The following PRKCB variants were observed in gnomAD, a reference collection of about 807,000 sequenced individuals.
The protein encoded by PRKCB is protein kinase C beta type.
In PRKCB, 13 loss-of-function variants were observed where a neutral mutation model predicts 81.5. The observed-to-expected ratio is 0.16, with a 90% CI of 0.10 to 0.25. The LOEUF is 0.25. Ranked by LOEUF, PRKCB falls within the 10% of genes least tolerant of loss-of-function variation. The probability of loss-of-function intolerance (pLI) is 1.00; values close to 1 mark genes in which losing one functional copy is unlikely to be tolerated. For synonymous variants in PRKCB, 335 were observed against 321.4 expected, an observed-to-expected ratio of 1.04 and a Z score of -0.45; for missense variants, 509 against 875.7, an observed-to-expected ratio of 0.58 and a Z score of 5.29.
intron 2 of PRKCB, among the ~76,000 whole-genome samples, chr16:23,944,936 G>T (rs932995768): frequency 1.3e-5 from 2 of 152,210 alleles, no homozygotes; most frequent in Non-Finnish European, 2.9e-5. Context: ...GGGAGAGAAT[G>T]AGGGACAGAG....
intron 7 of PRKCB, among the ~76,000 whole-genome samples, chr16:24,097,450 T>G (rs938572973): frequency 6.6e-6 from 1 of 151,696 alleles, no homozygotes; most frequent in South Asian, 2.1e-4. Flanking sequence ...TGGCAGAGGG[T>G]GGGTTGGGGA....
At chr16:24,132,984 T>A (rs942178795) in intron 9 of PRKCB, among the ~76,000 whole-genome samples, 1 of 152,098 alleles carries the variant, frequency 6.6e-6, no homozygotes, top group Admixed American at 6.6e-5. Flanking sequence ...TAACATGTAA[T>A]TTCCTAGTTT....
rs554783792 is a variant in PRKCB at position 24,028,115 on chromosome 16, G to A, written c.289-4021G>A. 2.6e-5 allele frequency among the ~76,000 whole-genome samples: 4 copies of A among 152,152 alleles called. No homozygotes were observed. In the East Asian group the frequency reaches 7.7e-4, roughly 29 times the overall value. On this transcript the variant is annotated intron_variant, in intron 3 of 16. Coordinates refer to ENST00000643927, the MANE Select transcript of PRKCB (RefSeq NM_002738.7). ...TCTTTTTTCTTTTTTTTGAGATGGA[G>A]TCTTGCTCTGTCGCCCAGGCTGGAG...
chr16:23,966,771 A>G (rs1175899062), intron 2 of PRKCB, among the ~76,000 whole-genome samples: 1 of 152,138 alleles, frequency 6.6e-6, no homozygotes, highest in Non-Finnish European at 1.5e-5. Context: ...CATGCATCAC[A>G]TATACACTGG....
chr16:24,143,485 C>A (rs1287726703), intron 9 of PRKCB, among the ~76,000 whole-genome samples: 1 of 152,040 alleles, frequency 6.6e-6, no homozygotes, highest in Non-Finnish European at 1.5e-5. Flanking sequence ...AGATGAGTAC[C>A]CTGATCCTAT....
At chr16:23,876,304 G>A (rs1963013387) in intron 2 of PRKCB, among the ~76,000 whole-genome samples, 1 of 152,188 alleles carries the variant, frequency 6.6e-6, no homozygotes, top group African/African-American at 2.4e-5. Context: ...GTAGTACCAT[G>A]TGGCTGTGGA....
intron 2 of PRKCB, among the ~76,000 whole-genome samples, chr16:23,923,112 A>G (rs1171071265): frequency 1.3e-5 from 2 of 152,118 alleles, no homozygotes; most frequent in African/African-American, 2.4e-5. Flanking sequence ...CACCCTTTGT[A>G]TGAGGCAGGA....
chr16:24,179,940 T>C (rs1028977337), intron 12 of PRKCB, among the ~76,000 whole-genome samples: 1 of 152,052 alleles, frequency 6.6e-6, no homozygotes, highest in Non-Finnish European at 1.5e-5. Context: ...CACATAGTAA[T>C]TGTGCAACAT....
chr16:24,151,755 C>T (rs531621127), intron 9 of PRKCB: 54 of 454,594 alleles, frequency 1.2e-4, no homozygotes, highest in African/African-American at 9.4e-4. Flanking sequence ...GAAGGGCTTT[C>T]AGCATTCAAG....
At chr16:24,116,256 G>C (rs1966736400) in intron 8 of PRKCB, among the ~76,000 whole-genome samples, 1 of 152,002 alleles carries the variant, frequency 6.6e-6, no homozygotes, top group Admixed American at 6.6e-5. Context: ...CCCTCAACTT[G>C]ATAGAAATAG....
intron 2 of PRKCB, among the ~76,000 whole-genome samples, chr16:23,940,202 T>C (rs1402184029): frequency 1.3e-5 from 2 of 152,150 alleles, no homozygotes; most frequent in East Asian, 1.9e-4. Context: ...TGCCAAATTC[T>C]AGCAAGGGAG....
At chr16:24,154,149 C>G (rs1008115972) in intron 9 of PRKCB, among the ~76,000 whole-genome samples, 1 of 152,170 alleles carries the variant, frequency 6.6e-6, no homozygotes, top group Non-Finnish European at 1.5e-5. Context: ...ACAATCATCT[C>G]CCCTGGAACC....
At chr16:23,988,006 T>C (rs900784439) in intron 2 of PRKCB, among the ~76,000 whole-genome samples, 1 of 152,214 alleles carries the variant, frequency 6.6e-6, no homozygotes, top group Non-Finnish European at 1.5e-5. Context: ...TTCTATTAGA[T>C]TGACGTTGCT....
chr16:24,214,603 T>C (rs780340120), intron 16 of PRKCB, 55 bp from the exon 17 acceptor site: 1 of 1,468,088 alleles, frequency 6.8e-7, no homozygotes, highest in Non-Finnish European at 9.4e-7. Flanking sequence ...TATTTTGGCT[T>C]TTGTTTTTGT....
At position 23,836,363 on chromosome 16, in the gene PRKCB, G is replaced by T. The variant is rs771736169; in HGVS notation, c.173+15G>T. 5.0e-6 allele frequency: 8 copies of T among 1,593,312 alleles called. No individual in the cohort carries two copies. Among genetic ancestry groups the T allele is most frequent in the Admixed American group, 1.7e-5 (1 of 58,898 alleles). On this transcript the variant is annotated intron_variant, in intron 1 of 16. Coordinates refer to ENST00000643927, the MANE Select transcript of PRKCB (RefSeq NM_002738.7). ...GACTTCATCTGGTGAGCGCGCGCGC[G>T]CAGGGCACCTTCCCGGGCCCCCGAG...
chr16:24,071,028 A>G (rs1007988749), intron 5 of PRKCB, among the ~76,000 whole-genome samples: 1 of 152,152 alleles, frequency 6.6e-6, no homozygotes, highest in Non-Finnish European at 1.5e-5. Context: ...GGAGGGAACC[A>G]TCTGGACAAA....
chr16:23,838,788 G>T (rs1962213277), intron 2 of PRKCB, among the ~76,000 whole-genome samples: 2 of 152,168 alleles, frequency 1.3e-5, no homozygotes, highest in Non-Finnish European at 2.9e-5. Context: ...CTGAGATCGG[G>T]GTCCCGGTGG....
intron 5 of PRKCB, among the ~76,000 whole-genome samples, chr16:24,070,838 C>G (rs1966098767): frequency 2.0e-5 from 3 of 152,158 alleles, no homozygotes; most frequent in African/African-American, 7.2e-5. Context: ...TTAAGGAGCT[C>G]TATTTAATAT....
intron 5 of PRKCB, among the ~76,000 whole-genome samples, chr16:24,056,462 A>G (rs1965903485): frequency 6.6e-6 from 1 of 152,194 alleles, no homozygotes; most frequent in Non-Finnish European, 1.5e-5. Context: ...GTGAATGCAA[A>G]ATACCTGTGA....
Sources: gnomAD v4.1 joint callset for allele counts (sites outside exome capture counted in the v4.1 genomes callset) on GRCh38, gnomAD v4.1.1 for gene constraint, MANE v1.5 for transcripts, NCBI Gene and HGNC (gene_info 2026-07-23, HGNC 2026-07-21) for gene names.